SYT9: variants seen among roughly 807,000 people sequenced by gnomAD.
SYT9 encodes the protein synaptotagmin-9.
A neutral mutation model predicts 48.4 loss-of-function variants in SYT9; 22 were observed. The observed-to-expected ratio is 0.45, with a 90% CI of 0.32 to 0.65. SYT9 has a LOEUF of 0.65. SYT9 is among the 30% of genes least tolerant of loss of function. The pLI, the probability that SYT9 is intolerant of heterozygous loss-of-function variation, is 0.03. For synonymous variants in SYT9, 265 were observed against 245.0 expected (o/e 1.08, Z -0.76); for missense variants, 577 against 622.0 (o/e 0.93, Z 0.77).
intron 3 of SYT9, among the ~76,000 whole-genome samples, chr11:7,374,124 A>G (rs918067748): frequency 6.6e-6 from 1 of 151,850 alleles, no homozygotes. Flanking sequence ...CCCTGTGCCC[A>G]TATGTTCTCA....
At chr11:7,297,491 T>G (rs1409146845) in intron 1 of SYT9, among the ~76,000 whole-genome samples, 1 of 152,210 alleles carries the variant, frequency 6.6e-6, no homozygotes, top group Non-Finnish European at 1.5e-5. Context: ...ATTATTACAT[T>G]TTTAGTTCAA....
In SYT9 at chr11:7,455,142, TTCTTA is replaced by T. The variant is rs543491192; in HGVS notation, c.1468-11645_1468-11641del. 7.7e-4 allele frequency among the ~76,000 whole-genome samples: 117 copies of T among 152,236 alleles called. 1 individual carries two copies. The South Asian group carries it at 0.012, about 16-fold the overall frequency. On this transcript the variant is annotated intron_variant, in intron 6 of 6. Transcript: ENST00000318881. ...TAAACCTTTAAGGATAAAAGAAAGT[TTCTTA>T]TCTTGTATCCTCTTTTCAAACACAT...
chr11:7,426,650 A>G (rs889402015), intron 6 of SYT9, among the ~76,000 whole-genome samples: 1 of 151,978 alleles, frequency 6.6e-6, no homozygotes, highest in Admixed American at 6.6e-5. Context: ...TTCCCCCTCA[A>G]TCCATCTAAA....
chr11:7,278,326 T>TA (rs1460912958), intron 1 of SYT9, among the ~76,000 whole-genome samples: 1 of 152,204 alleles, frequency 6.6e-6, no homozygotes, highest in Non-Finnish European at 1.5e-5. Context: ...TCACCTCTTT[T>TA]AAAGGCCCCC....
intron 6 of SYT9, among the ~76,000 whole-genome samples, chr11:7,428,674 A>G (rs1847511792): frequency 6.6e-6 from 1 of 152,142 alleles, no homozygotes; most frequent in Non-Finnish European, 1.5e-5. Flanking sequence ...GACAAAGCTG[A>G]GTTTATTGCT....
At chr11:7,391,182 C>T (rs1850758584) in intron 3 of SYT9, among the ~76,000 whole-genome samples, 1 of 152,102 alleles carries the variant, frequency 6.6e-6, no homozygotes, top group East Asian at 1.9e-4. Context: ...TGTATATGTA[C>T]CATATTTTCT....
Position 7,333,184 on chromosome 11 carries a change from A to T in SYT9, c.1044+19243A>T, listed in dbSNP as rs1040827757. On this transcript the variant is annotated intron_variant, in intron 3 of 6. Coordinates refer to ENST00000318881, the MANE Select transcript of SYT9 (RefSeq NM_175733.4). Reference sequence around the variant, plus strand: ...AGGCTGAAATTCACTAATTAAGGGGAGTCTAAATAAACATAGTGGGGGAGT... The same window carrying T: ...AGGCTGAAATTCACTAATTAAGGGGTGTCTAAATAAACATAGTGGGGGAGT... 4.6e-5 allele frequency among the ~76,000 whole-genome samples: 7 copies of T among 152,166 alleles called. No homozygotes were observed. In the South Asian group the frequency reaches 1.5e-3, roughly 32 times the overall value.
chr11:7,365,155 G>A (rs1182969991), intron 3 of SYT9, among the ~76,000 whole-genome samples: 3 of 151,840 alleles, frequency 2.0e-5, no homozygotes, highest in African/African-American at 7.3e-5. Context: ...ATAATGGAGT[G>A]TAAGCATTTT....
chr11:7,342,729 C>T (rs1849735647), intron 3 of SYT9, among the ~76,000 whole-genome samples: 1 of 152,160 alleles, frequency 6.6e-6, no homozygotes, highest in African/African-American at 2.4e-5. Context: ...TAGGCAGTGC[C>T]CCAGTGGGGA....
intron 6 of SYT9, chr11:7,435,545 A>T (rs1847687324): frequency 6.6e-6 from 1 of 152,198 alleles, no homozygotes; most frequent in Non-Finnish European, 1.5e-5. Context: ...AGAATAATAT[A>T]ACATATATGA....
At chr11:7,432,582 AATATATATACATATATATATATAT>A (rs1564902067) in intron 6 of SYT9, among the ~76,000 whole-genome samples, 40 of 3,498 alleles carry the variant, frequency 0.011, 2 homozygotes, top group Admixed American at 0.03. Context: ...AAAAAAAAAA[AATATATATACATATATATATATAT>A]ATATATATAT....
intron 3 of SYT9, among the ~76,000 whole-genome samples, chr11:7,361,146 T>G (rs1850129382): frequency 6.6e-6 from 1 of 152,114 alleles, no homozygotes; most frequent in Non-Finnish European, 1.5e-5. Context: ...TTTTTCTTTA[T>G]TTTTTCTATT....
chr11:7,254,450 G>A (rs981328601), intron 1 of SYT9, among the ~76,000 whole-genome samples: 2 of 152,058 alleles, frequency 1.3e-5, no homozygotes, highest in Non-Finnish European at 2.9e-5. Context: ...TTGCCTTGCC[G>A]ACATTAATTC....
chr11:7,385,363 T>TGC (rs1850637658), intron 3 of SYT9, among the ~76,000 whole-genome samples: 1 of 150,336 alleles, frequency 6.7e-6, no homozygotes, highest in African/African-American at 2.5e-5. Context: ...TGTGTGTGTG[T>TGC]GTGTGTGCGT....
At chr11:7,381,628 T>C (rs1215273728) in intron 3 of SYT9, among the ~76,000 whole-genome samples, 2 of 152,140 alleles carry the variant, frequency 1.3e-5, no homozygotes, top group Non-Finnish European at 2.9e-5. Flanking sequence ...GTCTGCCAAA[T>C]GTACCACACC....
At chr11:7,352,444 C>T (rs1849935783) in intron 3 of SYT9, among the ~76,000 whole-genome samples, 1 of 152,090 alleles carries the variant, frequency 6.6e-6, no homozygotes, top group Non-Finnish European at 1.5e-5. Flanking sequence ...TCAACGAATG[C>T]ACTTTATTAC....
intron 6 of SYT9, chr11:7,454,359 C>T (rs1032776258): frequency 3.1e-6 from 3 of 956,734 alleles, no homozygotes; most frequent in Non-Finnish European, 3.7e-6. Flanking sequence ...GGCTTCTCTA[C>T]AGCCATCTTT....
chr11:7,291,593 T>C (rs1848697270), intron 1 of SYT9, among the ~76,000 whole-genome samples: 1 of 152,090 alleles, frequency 6.6e-6, no homozygotes, highest in Non-Finnish European at 1.5e-5. Context: ...GAGAAGGCTC[T>C]AGGGAGTGTC....
At chr11:7,440,912 AC>A (rs1847819000) in intron 6 of SYT9, 1 of 152,190 alleles carries the variant, frequency 6.6e-6, no homozygotes, top group Admixed American at 6.5e-5. Flanking sequence ...AAAATAGACA[AC>A]CCACAAGACC....
Sources: gnomAD v4.1 joint callset for allele counts (sites outside exome capture counted in the v4.1 genomes callset) on GRCh38, gnomAD v4.1.1 for gene constraint, MANE v1.5 for transcripts, NCBI Gene and HGNC (gene_info 2026-07-23, HGNC 2026-07-21) for gene names.